Variants in AGAP2 observed in about 807,000 individuals in gnomAD.
The protein encoded by AGAP2 is arf-GAP with GTPase, ANK repeat and PH domain-containing protein 2.
A neutral mutation model predicts 110.9 loss-of-function variants in AGAP2; 32 were observed. The observed-to-expected ratio is 0.29, with a 90% confidence interval of 0.22 to 0.39. The LOEUF is 0.39. Among genes scored for constraint, AGAP2 ranks in the 10% least tolerant of loss-of-function variants. The pLI is 1.00. For missense variants in AGAP2, 1,285 were observed against 1,638.5 expected, an observed-to-expected ratio of 0.78 and a Z score of 3.72; for synonymous variants, 702 against 713.0, an observed-to-expected ratio of 0.98 and a Z score of 0.25.
chr12:57,737,244 C>T lies in AGAP2; in HGVS notation c.1003G>A (p.Gly335Ser), dbSNP rs778951837. The T allele has an allele frequency of 6.2e-6, 10 of 1,612,204 alleles. No individual in the cohort carries two copies. The highest frequency in any genetic ancestry group is 8.5e-6 in the Non-Finnish European group (10 of 1,179,408). ...APGLKRGREG[G>S]RASTRDRKML... Reference sequence around the variant, plus strand: ...TTGCGGTCACGAGTGGATGCTCGGCCCCCCTCCCGGCCCCGTTTCAGCCCC... The same window carrying T: ...TTGCGGTCACGAGTGGATGCTCGGCTCCCCTCCCGGCCCCGTTTCAGCCCC... The change falls in exon 1 of 19, where the codon GGC becomes AGC. Residue 335 changes from glycine (G) to serine (S), a missense_variant. By Grantham distance (56) the Gly-to-Ser change is moderately conservative. Transcript: ENST00000547588. The surrounding 1 kb of genome is among the most constrained non-coding windows in gnomAD (Gnocchi z 5.9).
At chr12:57,741,946 C>T (rs1413930300), upstream of AGAP2, 47 of 1,614,044 alleles carry the variant, frequency 2.9e-5, 1 homozygote, top group Admixed American at 7.8e-4. Context: ...GGATGCTGTC[C>T]TGGAGTTCGG....
In AGAP2 at chr12:57,726,545, T is replaced by C; in HGVS notation, c.*7A>G. 1 of 1,213,624 alleles carries C rather than the reference T, an allele frequency of 8.2e-7. No homozygotes were observed. Among genetic ancestry groups the C allele is most frequent in the Non-Finnish European group, 1.0e-6 (1 of 974,630 alleles). 75.2% of individuals were successfully genotyped at this position (1,213,624 alleles called of 1,614,324 possible). A position where few individuals can be genotyped will look rare whatever the true frequency, so the allele number is the denominator to read the frequency against. On this transcript the variant is annotated 3_prime_UTR_variant, in exon 19 of 19. Coordinates refer to ENST00000547588, the MANE Select transcript of AGAP2 (RefSeq NM_001122772.3). This position sits in a 1 kb window ranked among gnomAD's most constrained non-coding sequence, Gnocchi z 5.7. Reference sequence around the variant, plus strand: ...GTGGGGATGGGGGTGTCTCTCCCGCTGGGCAACTATACCAGCGCAACCGGG... The same window carrying C: ...GTGGGGATGGGGGTGTCTCTCCCGCCGGGCAACTATACCAGCGCAACCGGG...
At position 57,727,970 on chromosome 12, in the gene AGAP2, G is replaced by A. The variant is rs769208748; in HGVS notation, c.2733C>T (p.Ala911=). Residue 911 remains alanine (A), a synonymous_variant, in exon 15 of 19, where the codon GCC becomes GCT. Transcript: ENST00000547588. The part of the protein sequence containing the change: ...WVQAIESQIL[A]SLQCCESSKV... ...TGCTGCTCTCACAGCATTGCAGACTGGCTAGGATCTGACTCTCGATGGCCT... is the reference window on the plus strand; with the variant it reads ...TGCTGCTCTCACAGCATTGCAGACTAGCTAGGATCTGACTCTCGATGGCCT... 29 of 1,614,036 alleles carry A rather than the reference G, an allele frequency of 1.8e-5. No homozygotes were observed. The highest frequency in any genetic ancestry group is 2.5e-5 in the Non-Finnish European group (29 of 1,180,022).
chr12:57,741,566 G>T (rs1163202731), upstream of AGAP2, among the ~76,000 whole-genome samples: 2 of 152,114 alleles, frequency 1.3e-5, no homozygotes, highest in Non-Finnish European at 2.9e-5. Context: ...CCCAGAACCT[G>T]CTGCCCCAGA....
chr12:57,727,591 G>T lies in AGAP2; in HGVS notation c.2858-9C>A. ...GCTGGCCCACGTGGGGTCTGCGGAA[G>T]GAGCGTAGAGGTCGGCTCCCAGCCG... is the stretch of plus-strand genomic sequence containing the variant. On this transcript the variant is annotated splice_polypyrimidine_tract_variant and intron_variant, in intron 16 of 18. Transcript: ENST00000547588. 6.3e-7 allele frequency: 1 copy of T among 1,599,084 alleles called. No individual in the cohort carries two copies.
In AGAP2 at chr12:57,736,265, A is replaced by G. The variant is rs1345044585; in HGVS notation, c.1168+814T>C. On this transcript the variant is annotated intron_variant, in intron 1 of 18. Coordinates refer to ENST00000547588, the MANE Select transcript of AGAP2 (RefSeq NM_001122772.3). Reference sequence around the variant, plus strand: ...CTCCTCTCCCGGGAGTGTGAGCCGAACCAAGAGTCTCCTGCCTATCTCCTC... The same window carrying G: ...CTCCTCTCCCGGGAGTGTGAGCCGAGCCAAGAGTCTCCTGCCTATCTCCTC... Among the ~76,000 whole-genome samples the G allele has an allele frequency of 2.6e-5, 4 of 152,282 alleles. No individual in the cohort carries two copies. The East Asian group carries it at 5.8e-4, about 22-fold the overall frequency.
Position 57,735,382 on chromosome 12 carries a change from G to A in AGAP2, c.1214C>T (p.Pro405Leu), listed in dbSNP as rs1170727358. 3 of 1,613,964 alleles carry A rather than the reference G, an allele frequency of 1.9e-6. No homozygotes were observed. The highest frequency in any genetic ancestry group is 2.5e-6 in the Non-Finnish European group (3 of 1,179,966). ...SQEWTLSRSI[P>L]ELRLGVLGDA... ...TGGGTTACCTACCAGGCGCAGTTCA[G>A]GAATGGAGCGGCTCAAAGTCCATTC... Residue 405 changes from proline (P) to leucine (L), a missense_variant, in exon 2 of 19, where the codon CCT becomes CTT. By Grantham distance (98) the Pro-to-Leu change is moderately conservative. Coordinates refer to ENST00000547588, the MANE Select transcript of AGAP2 (RefSeq NM_001122772.3).
chr12:57,729,555 C>T lies in AGAP2; in HGVS notation c.2557+84G>A, dbSNP rs1289742302. ...CAAGCACTCAGCTCAGGCACTTTTCCTCCTGCTGCAGGAGTTAGGCCAGGG... is the reference window on the plus strand; with the variant it reads ...CAAGCACTCAGCTCAGGCACTTTTCTTCCTGCTGCAGGAGTTAGGCCAGGG... On this transcript the variant is annotated intron_variant, in intron 13 of 18. Coordinates refer to ENST00000547588, the MANE Select transcript of AGAP2 (RefSeq NM_001122772.3). 3.9e-6 allele frequency: 6 copies of T among 1,538,058 alleles called. No homozygotes were observed. The African/African-American group carries it at 7.0e-5, about 18-fold the overall frequency.
chr12:57,729,794 A>G, intron 12 of AGAP2, 27 bp from the exon 13 acceptor site: 2 of 1,578,138 alleles, frequency 1.3e-6, no homozygotes, highest in Non-Finnish European at 1.7e-6. Flanking sequence ...CAGCTGCCTC[A>G]GTAGCCCCCT....
chr12:57,735,522 C>A (rs1035113382), intron 1 of AGAP2, 95 bp from the exon 2 acceptor site: 5 of 1,157,984 alleles, frequency 4.3e-6, no homozygotes, highest in African/African-American at 1.5e-5. Flanking sequence ...CTTTCCAACC[C>A]CCCCCCAACC....
chr12:57,737,889 C>T lies in AGAP2; in HGVS notation c.358G>A (p.Gly120Arg). ...CTCAGTCCCCCGGAGAGCGGGGGTC[C>T]CGGAGGGACGGCCCAGAGGGAGAGG... ...RRLSLWAVPP[G>R]PPLSGGLSPD... is the part of the protein sequence containing the mutation. Residue 120 changes from glycine (G) to arginine (R), a missense_variant, in exon 1 of 19, where the codon GGA becomes AGA. By Grantham distance (125) the Gly-to-Arg change is moderately radical (BLOSUM62 -2). This residue lies in a region of AGAP2 where 844 missense variants were observed against 941.2 expected (regional missense o/e 0.90). Coordinates refer to ENST00000547588, the MANE Select transcript of AGAP2 (RefSeq NM_001122772.3). This position sits in a 1 kb window ranked among gnomAD's most constrained non-coding sequence, Gnocchi z 5.9. 7.1e-7 allele frequency: 1 copy of T among 1,412,788 alleles called. No individual in the cohort carries two copies. Among genetic ancestry groups the T allele is most frequent in the Non-Finnish European group, 9.1e-7 (1 of 1,096,974 alleles). The allele number at this position is 1,412,788 out of a possible 1,614,324, so 87.5% of individuals were successfully genotyped here. A position where few individuals can be genotyped will look rare whatever the true frequency, so the allele number is the denominator to read the frequency against.
chr12:57,740,313 T>C (rs769467106), upstream of AGAP2, among the ~76,000 whole-genome samples: 2 of 151,940 alleles, frequency 1.3e-5, no homozygotes, highest in Non-Finnish European at 2.9e-5. Flanking sequence ...CAGCAGTTTC[T>C]CCCTCCCTCC....
chr12:57,729,377 G>A lies in AGAP2; in HGVS notation c.2557+262C>T, dbSNP rs1018336110. Among the ~76,000 whole-genome samples the A allele has an allele frequency of 2.6e-5, 4 of 151,696 alleles. No individual in the cohort carries two copies. In the South Asian group the frequency reaches 6.2e-4, roughly 24 times the overall value. ...TGAGGGAAGGAAGAGGAACTAGAAC[G>A]TCATTAGGAGAGGGAGCAGGAGCTA... is the stretch of plus-strand genomic sequence containing the variant. On this transcript the variant is annotated intron_variant, in intron 13 of 18. Transcript: ENST00000547588.
At chr12:57,735,567 G>T (rs1013731035) in intron 1 of AGAP2, 140 bp from the exon 2 acceptor site, 2 of 750,556 alleles carry the variant, frequency 2.7e-6, no homozygotes, top group Non-Finnish European at 4.4e-6. Flanking sequence ...CAACAGACAG[G>T]TTTGAGGGTG....
rs1408034078 is a variant in AGAP2 at position 57,737,539 on chromosome 12, G to C, written c.708C>G (p.Ala236=). 3 of 1,557,292 alleles carry C rather than the reference G, an allele frequency of 1.9e-6. No homozygotes were observed. Among genetic ancestry groups the C allele is most frequent in the African/African-American group, 2.7e-5 (2 of 73,556 alleles). ...CCCCGGCGGCGGCGGCGGTGGCGGCGGCAGAGACCGAAGCTCCAGTCCCGG... is the reference window on the plus strand; with the variant it reads ...CCCCGGCGGCGGCGGCGGTGGCGGCCGCAGAGACCGAAGCTCCAGTCCCGG... The part of the protein sequence containing the change: ...SSAGTGASVS[A]AATAAAAGGG... Residue 236 remains alanine (A), a synonymous_variant, in exon 1 of 19, where the codon GCC becomes GCG. Transcript: ENST00000547588. The surrounding 1 kb of genome is among the most constrained non-coding windows in gnomAD (Gnocchi z 5.9).
upstream of AGAP2, among the ~76,000 whole-genome samples, chr12:57,741,569 GC>G (rs912057097): frequency 6.6e-6 from 1 of 152,096 alleles, no homozygotes; most frequent in African/African-American, 2.4e-5. Context: ...AGAACCTGCT[GC>G]CCCAGACTGC....
intron 15 of AGAP2, 25 bp from the exon 16 acceptor site, chr12:57,727,796 C>G: frequency 6.4e-7 from 1 of 1,573,800 alleles, no homozygotes; most frequent in Non-Finnish European, 8.6e-7. Context: ...TGGGTTGGCA[C>G]TGACTCTGCC....
At chr12:57,732,776 C>T in intron 6 of AGAP2, 69 bp downstream of exon 6, 14 of 1,598,214 alleles carry the variant, frequency 8.8e-6, no homozygotes, top group Non-Finnish European at 1.2e-5. Context: ...GCCTGGATGC[C>T]TGACCACTGA....
chr12:57,732,461 C>T lies in AGAP2; in HGVS notation c.1736G>A (p.Cys579Tyr). Residue 579 changes from cysteine to tyrosine, a missense_variant, in exon 7 of 19, where the codon TGC (cysteine) becomes TAC (tyrosine). Around this residue, in one of 7 missense-constraint regions of AGAP2, gnomAD observed 844 missense variants for 941.2 expected, o/e 0.90. Transcript: ENST00000547588. ...LRKQQQLLAA[C>Y]KSLPSSPSHS... ...GCTTGGGGAGCTGGGCAGGGACTTG[C>T]AGGCAGCCAGAAGCTGTTGCTGCTT... 1 of 1,597,788 alleles carries T rather than the reference C, an allele frequency of 6.3e-7. No homozygotes were observed. The highest frequency in any genetic ancestry group is 8.5e-7 in the Non-Finnish European group (1 of 1,171,912).
Sources: allele counts gnomAD v4.1 joint callset (sites outside exome capture counted in the v4.1 genomes callset), GRCh38; gene constraint gnomAD v4.1.1; regional missense constraint gnomAD v4.1.1; non-coding constraint Gnocchi (gnomAD v3.1); transcripts MANE v1.5; gene names NCBI Gene and HGNC (gene_info 2026-07-23, HGNC 2026-07-21).